Variants in TBX4 observed in about 807,000 individuals in gnomAD.
TBX4 encodes T-box transcription factor 4.
A neutral mutation model predicts 54.6 loss-of-function variants in TBX4; 13 were observed. The ratio of observed to expected loss-of-function variants is 0.24; its 90% CI spans 0.15 to 0.38. TBX4 has a LOEUF of 0.38. TBX4 is among the 10% of genes least tolerant of loss of function. The pLI is 1.00. For missense variants in TBX4, 631 were observed against 728.5 expected (o/e 0.87, Z 1.54); for synonymous variants, 314 against 306.7 (o/e 1.02, Z -0.25).
rs1258680475 is a variant in TBX4 at position 61,472,268 on chromosome 17, T to C, written c.549+4611T>C. 6.6e-6 allele frequency among the ~76,000 whole-genome samples: 1 copy of C among 152,222 alleles called. No individual in the cohort carries two copies. Among genetic ancestry groups the C allele is most frequent in the Non-Finnish European group, 1.5e-5 (1 of 68,040 alleles). On this transcript the variant is annotated intron_variant, in intron 5 of 8. Coordinates refer to ENST00000644296, the MANE Select transcript of TBX4 (RefSeq NM_001321120.2). This position sits in a 1 kb window ranked among gnomAD's most constrained non-coding sequence, Gnocchi z 4.5. Reference sequence around the variant, plus strand: ...AAATTCCCCTCCATGGGAGCTGTACTGATGTATATATTTCCACCACTGCTG... The same window carrying C: ...AAATTCCCCTCCATGGGAGCTGTACCGATGTATATATTTCCACCACTGCTG...
intron 1 of TBX4, chr17:61,452,904 C>G: frequency 1.0e-6 from 1 of 985,132 alleles, no homozygotes. Context: ...ACAGGCGGAG[C>G]GGTGGCCTGG....
chr17:61,476,844 T>G lies in TBX4; in HGVS notation c.550-1783T>G, dbSNP rs995064361. ...AACCGAGGAGCCCAGGGAAGGCCAG[T>G]ACCCACAGCCCAGGTCCTGGCCCAC... On this transcript the variant is annotated intron_variant, in intron 5 of 8. Coordinates refer to ENST00000644296, the MANE Select transcript of TBX4 (RefSeq NM_001321120.2). The surrounding 1 kb of genome is among the most constrained non-coding windows in gnomAD (Gnocchi z 6.5). 1.3e-5 allele frequency among the ~76,000 whole-genome samples: 2 copies of G among 152,222 alleles called. No individual in the cohort carries two copies. The highest frequency in any genetic ancestry group is 2.9e-5 in the Non-Finnish European group (2 of 68,032).
At position 61,476,087 on chromosome 17, in the gene TBX4, G is replaced by A. The variant is rs1316214962; in HGVS notation, c.550-2540G>A. Among the ~76,000 whole-genome samples the A allele has an allele frequency of 1.3e-5, 2 of 152,156 alleles. No individual in the cohort carries two copies. Among genetic ancestry groups the A allele is most frequent in the African/African-American group, 2.4e-5 (1 of 41,396 alleles). ...TGCACTCACTAGATCCTGTCTGGGG[G>A]CAAAGGAGCCTGGAGGTACAAAAGG... On this transcript the variant is annotated intron_variant, in intron 5 of 8. Transcript: ENST00000644296. The surrounding 1 kb of genome is among the most constrained non-coding windows in gnomAD (Gnocchi z 6.5).
intron 2 of TBX4, 75 bp downstream of exon 2, chr17:61,456,751 T>A: frequency 8.4e-7 from 1 of 1,189,726 alleles, no homozygotes; most frequent in Non-Finnish European, 1.1e-6. Context: ...CGTCTTTCCG[T>A]CCGATTGTCG....
At chr17:61,469,805 G>A (rs2060563170) in intron 5 of TBX4, among the ~76,000 whole-genome samples, 1 of 152,230 alleles carries the variant, frequency 6.6e-6, no homozygotes, top group South Asian at 2.1e-4. Context: ...CTTGGCCCGT[G>A]CCCGTGGGAG....
At position 61,474,226 on chromosome 17, in the gene TBX4, GA is replaced by G. The variant is rs1423953108; in HGVS notation, c.550-4400del. On this transcript the variant is annotated intron_variant, in intron 5 of 8. Coordinates refer to ENST00000644296, the MANE Select transcript of TBX4 (RefSeq NM_001321120.2). The surrounding 1 kb of genome is among the most constrained non-coding windows in gnomAD (Gnocchi z 4.6). ...CAAAATGGACATTAGCCACACTTTT[GA>G]GGGGCTAGCATCCAGATAACATGTG... Among the ~76,000 whole-genome samples, 1 of 152,132 alleles carries G rather than the reference GA, an allele frequency of 6.6e-6. No homozygotes were observed. Among genetic ancestry groups the G allele is most frequent in the Non-Finnish European group, 1.5e-5 (1 of 68,012 alleles).
rs2090416969 is a variant in TBX4 at position 61,475,607 on chromosome 17, G to A, written c.550-3020G>A. ...AGTCACAGGAATCGGTCACTGAGTG[G>A]ACCTGGAGGTGGATGACAGTGAGGA... is the stretch of plus-strand genomic sequence containing the variant. On this transcript the variant is annotated intron_variant, in intron 5 of 8. Coordinates refer to ENST00000644296, the MANE Select transcript of TBX4 (RefSeq NM_001321120.2). This position sits in a 1 kb window ranked among gnomAD's most constrained non-coding sequence, Gnocchi z 5.0. 6.6e-6 allele frequency among the ~76,000 whole-genome samples: 1 copy of A among 152,198 alleles called. No homozygotes were observed. The highest frequency in any genetic ancestry group is 2.4e-5 in the African/African-American group (1 of 41,442).
At position 61,464,465 on chromosome 17, in the gene TBX4, C is replaced by A. The variant is rs1456344802; in HGVS notation, c.282-1354C>A. On this transcript the variant is annotated intron_variant, in intron 3 of 8. Coordinates refer to ENST00000644296, the MANE Select transcript of TBX4 (RefSeq NM_001321120.2). The surrounding 1 kb of genome is among the most constrained non-coding windows in gnomAD (Gnocchi z 5.8). ...GGGGCCTCTGATCAGCTGTTTGTGGCATCTTGGACAGCTTCTCCAGGGTCC... is the reference window on the plus strand; with the variant it reads ...GGGGCCTCTGATCAGCTGTTTGTGGAATCTTGGACAGCTTCTCCAGGGTCC... 3 of 152,320 alleles carry A rather than the reference C, an allele frequency of 2.0e-5. No homozygotes were observed. Among genetic ancestry groups the A allele is most frequent in the African/African-American group, 7.2e-5 (3 of 41,460 alleles). 9.4% of individuals were successfully genotyped at this position (152,320 alleles called of 1,614,324 possible).
intron 5 of TBX4, among the ~76,000 whole-genome samples, chr17:61,468,677 A>G (rs2060553564): frequency 1.3e-5 from 2 of 152,254 alleles, no homozygotes; most frequent in Non-Finnish European, 2.9e-5. Context: ...TTGGTGAGCT[A>G]TAAACAAGCA....
intron 4 of TBX4, 49 bp from the exon 5 acceptor site, chr17:61,467,461 C>T (rs1245055815): frequency 1.9e-6 from 3 of 1,613,362 alleles, no homozygotes; most frequent in Non-Finnish European, 2.5e-6. Flanking sequence ...GGAATCTGGC[C>T]TCACCAGCCC....
In TBX4 at chr17:61,472,641, A is replaced by G. The variant is rs1438258975; in HGVS notation, c.549+4984A>G. Among the ~76,000 whole-genome samples the G allele has an allele frequency of 6.6e-6, 1 of 152,200 alleles. No homozygotes were observed. Among genetic ancestry groups the G allele is most frequent in the Non-Finnish European group, 1.5e-5 (1 of 68,028 alleles). Reference sequence around the variant, plus strand: ...TTGAATTGACCAGTCTTTTCCTTATAGATTTTGGATTTTGAGTTATTGAAA... The same window carrying G: ...TTGAATTGACCAGTCTTTTCCTTATGGATTTTGGATTTTGAGTTATTGAAA... On this transcript the variant is annotated intron_variant, in intron 5 of 8. Coordinates refer to ENST00000644296, the MANE Select transcript of TBX4 (RefSeq NM_001321120.2). This position sits in a 1 kb window ranked among gnomAD's most constrained non-coding sequence, Gnocchi z 4.5.
In TBX4 at chr17:61,456,687, G is replaced by C; in HGVS notation, c.186+11G>C. The C allele has an allele frequency of 7.3e-7, 1 of 1,377,486 alleles. No individual in the cohort carries two copies. 85.3% of individuals were successfully genotyped at this position (1,377,486 alleles called of 1,614,324 possible). ...GCCGCCGCGGAGCAGGTAGGGCTGC[G>C]CCAGCCGTCGGGTAGAAGTCGGGCG... is the stretch of plus-strand genomic sequence containing the variant. On this transcript the variant is annotated intron_variant, in intron 2 of 8. Coordinates refer to ENST00000644296, the MANE Select transcript of TBX4 (RefSeq NM_001321120.2).
chr17:61,469,374 T>C (rs2060559745), intron 5 of TBX4, among the ~76,000 whole-genome samples: 1 of 152,216 alleles, frequency 6.6e-6, no homozygotes, highest in South Asian at 2.1e-4. Context: ...GGCTGCTTGA[T>C]GGGCTTGTGA....
chr17:61,483,807 G>T lies in TBX4; in HGVS notation c.*291G>T. On this transcript the variant is annotated 3_prime_UTR_variant, in exon 9 of 9. Transcript: ENST00000644296. The surrounding 1 kb of genome is among the most constrained non-coding windows in gnomAD (Gnocchi z 6.6). ...CTGACATCTCTTGACATGCCCGTGGGTGGGATGGGAGTGGAGGGTTCATAT... is the reference window on the plus strand; with the variant it reads ...CTGACATCTCTTGACATGCCCGTGGTTGGGATGGGAGTGGAGGGTTCATAT... The T allele has an allele frequency of 4.6e-6, 2 of 436,940 alleles. No individual in the cohort carries two copies. Among genetic ancestry groups the T allele is most frequent in the Non-Finnish European group, 8.6e-6 (2 of 233,428 alleles). The allele number at this position is 436,940 out of a possible 1,614,324, so 27.1% of individuals were successfully genotyped here.
rs1392122178 is a variant in TBX4, at chr17:61,465,695, C to T, written c.282-124C>T. 6 of 1,298,098 alleles carry T rather than the reference C, an allele frequency of 4.6e-6. No individual in the cohort carries two copies. Among genetic ancestry groups the T allele is most frequent in the South Asian group, 1.2e-5 (1 of 83,094 alleles). 80.4% of individuals were successfully genotyped at this position (1,298,098 alleles called of 1,614,324 possible). The stretch of plus-strand genomic sequence containing the variant: ...GTTGTGCAGGTCACACAGCTGTGAC[C>T]AATGCCAGGATCGCTGGCCAAAAGG... On this transcript the variant is annotated intron_variant, in intron 3 of 8. Coordinates refer to ENST00000644296, the MANE Select transcript of TBX4 (RefSeq NM_001321120.2). This position sits in a 1 kb window ranked among gnomAD's most constrained non-coding sequence, Gnocchi z 4.9.
At chr17:61,455,514 C>G (rs1475299415) in intron 1 of TBX4, among the ~76,000 whole-genome samples, 2 of 152,252 alleles carry the variant, frequency 1.3e-5, no homozygotes, top group Non-Finnish European at 2.9e-5. Context: ...GCCCCAGGAC[C>G]TGCTTCGGGC....
Position 61,461,469 on chromosome 17 carries a change from A to T in TBX4, c.281+3838A>T, listed in dbSNP as rs953632453. Among the ~76,000 whole-genome samples the T allele has an allele frequency of 2.6e-5, 4 of 152,190 alleles. No individual in the cohort carries two copies. The highest frequency in any genetic ancestry group is 9.7e-5 in the African/African-American group (4 of 41,440). On this transcript the variant is annotated intron_variant, in intron 3 of 8. Coordinates refer to ENST00000644296, the MANE Select transcript of TBX4 (RefSeq NM_001321120.2). This position sits in a 1 kb window ranked among gnomAD's most constrained non-coding sequence, Gnocchi z 5.1. ...TTCCTCCTGAAAAGCCCCCACGGAC[A>T]TCAGGGTTGGAGAAACAAAGGGTTT...
chr17:61,474,934 C>T lies in TBX4; in HGVS notation c.550-3693C>T, dbSNP rs537694632. On this transcript the variant is annotated intron_variant, in intron 5 of 8. Coordinates refer to ENST00000644296, the MANE Select transcript of TBX4 (RefSeq NM_001321120.2). This position sits in a 1 kb window ranked among gnomAD's most constrained non-coding sequence, Gnocchi z 4.6. Reference sequence around the variant, plus strand: ...TGTCCAGGTTCTAGACTGTCGGAGTCAGAAGGGGTGTTTGGGACCACTTAG... The same window carrying T: ...TGTCCAGGTTCTAGACTGTCGGAGTTAGAAGGGGTGTTTGGGACCACTTAG... Among the ~76,000 whole-genome samples the T allele has an allele frequency of 6.6e-6, 1 of 152,312 alleles. No individual in the cohort carries two copies. The highest frequency in any genetic ancestry group is 6.5e-5 in the Admixed American group (1 of 15,298).
chr17:61,478,875 AGCAGG>A lies in TBX4; in HGVS notation c.702+99_702+103del, dbSNP rs2060641675. ...AGGCAGAGTGTGAAGCCAGAGTCCC[AGCAGG>A]GCTTGGGCAGGCCCAGTGCAGGGAC... On this transcript the variant is annotated intron_variant, in intron 6 of 8. Transcript: ENST00000644296. This position sits in a 1 kb window ranked among gnomAD's most constrained non-coding sequence, Gnocchi z 7.4. 2.5e-6 allele frequency: 4 copies of A among 1,602,028 alleles called. No individual in the cohort carries two copies. The South Asian group carries it at 4.4e-5, about 18-fold the overall frequency.
Sources: gnomAD v4.1 joint callset for allele counts (sites outside exome capture counted in the v4.1 genomes callset) on GRCh38, gnomAD v4.1.1 for gene constraint, Gnocchi (gnomAD v3.1) non-coding constraint, MANE v1.5 for transcripts, NCBI Gene and HGNC (gene_info 2026-07-23, HGNC 2026-07-21) for gene names.